The following CD8A variants were observed in gnomAD, a reference collection of about 807,000 sequenced individuals.
CD8A encodes the protein T-cell surface glycoprotein CD8 alpha chain.
A neutral mutation model predicts 24.2 loss-of-function variants in CD8A; 25 were observed. The observed-to-expected ratio is 1.03, with a 90% CI of 0.75 to 1.44. The LOEUF is 1.44. CD8A is among the 40% of genes most tolerant of loss of function. CD8A has a pLI of 0.00. For missense variants in CD8A, 360 were observed against 319.7 expected (o/e 1.13, Z -0.96); for synonymous variants, 165 against 149.9 (o/e 1.10, Z -0.74).
At chr2:86,794,868 C>T (rs137925239), upstream of CD8A, among the ~76,000 whole-genome samples, 621 of 152,278 alleles carry the variant, frequency 4.1e-3, 3 homozygotes, top group African/African-American at 0.014. Context: ...ATTTCTCAAG[C>T]GGACCCTAGT....
At chr2:86,787,898 A>AGAGAGAGAGTGTGTGTGT (rs369993109) in intron 5 of CD8A, among the ~76,000 whole-genome samples, 6 of 144,488 alleles carry the variant, frequency 4.2e-5, no homozygotes, top group Non-Finnish European at 6.1e-5. Context: ...AGAGAGAGAG[A>AGAGAGAGAGTGTGTGTGT]GTGTGTGTGT....
chr2:86,806,540 G>A (rs1673904936), intron 2 of CD8A, among the ~76,000 whole-genome samples: 2 of 152,194 alleles, frequency 1.3e-5, no homozygotes, highest in South Asian at 2.1e-4. Context: ...AGTAGAGCAG[G>A]AAAAAGAGGA....
chr2:86,808,323 G>A (rs1044813737), exon 1 of CD8A: 2 of 152,328 alleles, frequency 1.3e-5, no homozygotes, highest in Non-Finnish European at 2.9e-5. Context: ...AGGGAGGACA[G>A]AGGAGGGATC....
At position 86,785,898 on chromosome 2, in the gene CD8A, A is replaced by T; in HGVS notation, c.*22T>A. The stretch of plus-strand genomic sequence containing the variant: ...AAAGGAAGGATCTCAGTTTGAAGTA[A>T]TGTAGTGGCTGTTGCACAGGGTTAG... On this transcript the variant is annotated 3_prime_UTR_variant, in exon 6 of 6. Coordinates refer to ENST00000283635, the MANE Select transcript of CD8A (RefSeq NM_001768.7). 6.3e-7 allele frequency: 1 copy of T among 1,581,146 alleles called. No individual in the cohort carries two copies. Among genetic ancestry groups the T allele is most frequent in the Non-Finnish European group, 8.7e-7 (1 of 1,149,814 alleles).
At chr2:86,799,687 T>C (rs946504774) in intron 3 of CD8A, among the ~76,000 whole-genome samples, 10 of 151,472 alleles carry the variant, frequency 6.6e-5, no homozygotes, top group Non-Finnish European at 8.8e-5. Flanking sequence ...ACCCGGGAAG[T>C]GGAGCTTCCA....
At chr2:86,789,893 C>T in intron 2 of CD8A, 143 bp from the exon 3 acceptor site, 1 of 565,766 alleles carries the variant, frequency 1.8e-6, no homozygotes, top group Non-Finnish European at 3.0e-6. Context: ...AGGATGGGGA[C>T]CCCGGGATGC....
Position 86,785,457 on chromosome 2 carries a change from C to CA in CD8A, c.*462_*463insT, listed in dbSNP as rs2104425303. ...AGACAGGGGCCTCGGAAAGAAAGAC[C>CA]TGAATGGTGTGGAGGAAAGAGCCCT... On this transcript the variant is annotated 3_prime_UTR_variant, in exon 6 of 6. Coordinates refer to ENST00000283635, the MANE Select transcript of CD8A (RefSeq NM_001768.7). 2.2e-6 allele frequency: 1 copy of CA among 456,098 alleles called. No homozygotes were observed. The highest frequency in any genetic ancestry group is 4.4e-6 in the Non-Finnish European group (1 of 228,284). The allele number at this position is 456,098 out of a possible 1,614,324, so 28.3% of individuals were successfully genotyped here. A position where few individuals can be genotyped will look rare whatever the true frequency, so the allele number is the denominator to read the frequency against.
intron 3 of CD8A, among the ~76,000 whole-genome samples, chr2:86,800,791 C>T (rs762533748): frequency 5.3e-5 from 8 of 152,132 alleles, no homozygotes; most frequent in Non-Finnish European, 1.2e-4. Flanking sequence ...TGAATTGTGT[C>T]CCCCCAAGTA....
upstream of CD8A, chr2:86,791,700 C>T (rs1161494829): frequency 4.4e-6 from 2 of 452,880 alleles, no homozygotes; most frequent in South Asian, 1.6e-5. Flanking sequence ...CTTGGTTGAC[C>T]AGCCCTTGGG....
At position 86,790,490 on chromosome 2, in the gene CD8A, C is replaced by G. The variant is rs970275394; in HGVS notation, c.241G>C (p.Ala81Pro). ...LYLSQNKPKA[A>P]EGLDTQRFSG... ...AACCGCTGGGTGTCCAGCCCCTCGG[C>G]CGCCTTGGGCTTGTTTTGGGAGAGG... Residue 81 changes from alanine (A) to proline (P), a missense_variant, in exon 2 of 6, where the codon GCC becomes CCC. Physicochemically the swap from Ala to Pro is conservative, Grantham distance 27. Coordinates refer to ENST00000283635, the MANE Select transcript of CD8A (RefSeq NM_001768.7). 3.1e-6 allele frequency: 5 copies of G among 1,614,162 alleles called. No individual in the cohort carries two copies. Among genetic ancestry groups the G allele is most frequent in the Non-Finnish European group, 4.2e-6 (5 of 1,180,034 alleles).
At chr2:86,793,950 C>T (rs1004797283), upstream of CD8A, among the ~76,000 whole-genome samples, 1 of 152,140 alleles carries the variant, frequency 6.6e-6, no homozygotes, top group Admixed American at 6.5e-5. Context: ...ATCAAGGAGG[C>T]TTTGTGACCC....
At chr2:86,794,015 C>T (rs953400848), upstream of CD8A, among the ~76,000 whole-genome samples, 12 of 152,150 alleles carry the variant, frequency 7.9e-5, no homozygotes, top group East Asian at 1.9e-4. Flanking sequence ...CAATGACATC[C>T]GCCTTGCAGT....
At chr2:86,790,227 AG>A in intron 2 of CD8A, 100 bp downstream of exon 2, 1 of 870,698 alleles carries the variant, frequency 1.1e-6, no homozygotes, top group Non-Finnish European at 1.9e-6. Context: ...AGTCGCTTCC[AG>A]GTGCGCTAAG....
At chr2:86,789,619 C>T in intron 3 of CD8A, 21 bp downstream of exon 3, 1 of 1,476,450 alleles carries the variant, frequency 6.8e-7, no homozygotes, top group Non-Finnish European at 9.0e-7. Context: ...CGCCCCCGCC[C>T]CGGGCCCCCG....
intron 1 of CD8A, among the ~76,000 whole-genome samples, chr2:86,807,949 G>A (rs960451718): frequency 6.6e-6 from 1 of 152,130 alleles, no homozygotes; most frequent in East Asian, 1.9e-4. Context: ...GTGGAGACAG[G>A]GTCTGCTGTA....
At chr2:86,788,452 A>C in intron 5 of CD8A, 78 bp downstream of exon 5, 1 of 1,184,140 alleles carries the variant, frequency 8.4e-7, no homozygotes, top group Non-Finnish European at 1.3e-6. Flanking sequence ...AAAAGTTCCC[A>C]CTATTTGCTG....
Position 86,787,071 on chromosome 2 carries a change from T to TC in CD8A, c.657-1101dup, listed in dbSNP as rs1241941428. On this transcript the variant is annotated intron_variant, in intron 5 of 5. Transcript: ENST00000283635. ...GAAAAGAAAAGAAAAGCTAAAAACTTCCCCCCCCACTTTTTTTTTTTTTTT... is the reference window on the plus strand; with the variant it reads ...GAAAAGAAAAGAAAAGCTAAAAACTTCCCCCCCCCACTTTTTTTTTTTTTTT... 9.2e-4 allele frequency among the ~76,000 whole-genome samples: 99 copies of TC among 107,580 alleles called. 1 individual carries two copies. The highest frequency in any genetic ancestry group is 1.9e-3 in the Admixed American group (17 of 8,840). 70.6% of individuals were successfully genotyped at this position (107,580 alleles called of 152,430 possible).
chr2:86,787,079 C>CCT (rs1381988035), intron 5 of CD8A, among the ~76,000 whole-genome samples: 1 of 119,734 alleles, frequency 8.4e-6, no homozygotes, highest in Non-Finnish European at 1.7e-5. Flanking sequence ...CTTCCCCCCC[C>CCT]ACTTTTTTTT....
intron 1 of CD8A, 41 bp from the exon 2 acceptor site, chr2:86,790,722 G>GCCCC: frequency 1.3e-6 from 2 of 1,487,866 alleles, no homozygotes; most frequent in Non-Finnish European, 1.8e-6. Flanking sequence ...GCAGTCCCGC[G>GCCCC]CCCCCCGCCC....
Sources: allele counts gnomAD v4.1 joint callset (sites outside exome capture counted in the v4.1 genomes callset), GRCh38; gene constraint gnomAD v4.1.1; transcripts MANE v1.5; gene names NCBI Gene and HGNC (gene_info 2026-07-23, HGNC 2026-07-21).